Variants in ARL15 observed in about 807,000 individuals in gnomAD.
The protein encoded by ARL15 is ARF like GTPase 15.
Under a neutral mutation model 25.2 loss-of-function variants are expected in ARL15, and 19 were observed. The observed-to-expected ratio is 0.75, with a 90% CI of 0.53 to 1.10. ARL15 has a LOEUF of 1.10. Ranked by LOEUF, ARL15 falls within the 50% of genes least tolerant of loss-of-function variation. The pLI is 0.00. For missense variants in ARL15, 220 were observed against 246.0 expected, an observed-to-expected ratio of 0.89 and a Z score of 0.71; for synonymous variants, 94 against 86.8, an observed-to-expected ratio of 1.08 and a Z score of -0.46.
At chr5:53,993,414 C>T (rs926340535) in intron 4 of ARL15, among the ~76,000 whole-genome samples, 2 of 152,056 alleles carry the variant, frequency 1.3e-5, no homozygotes, top group African/African-American at 4.8e-5. Flanking sequence ...TCAAGACCAG[C>T]CTGGGCAACA....
At chr5:54,197,862 A>C (rs1755597207) in intron 1 of ARL15, among the ~76,000 whole-genome samples, 1 of 152,198 alleles carries the variant, frequency 6.6e-6, no homozygotes, top group Admixed American at 6.5e-5. Flanking sequence ...ATTTATACCA[A>C]TATCCTTGAT....
At chr5:54,021,073 C>T (rs771246766) in intron 4 of ARL15, among the ~76,000 whole-genome samples, 16 of 152,278 alleles carry the variant, frequency 1.1e-4, no homozygotes, top group Non-Finnish European at 1.8e-4. Flanking sequence ...CAGTGGCTCA[C>T]GCCTGTAATC....
At chr5:54,223,742 A>G (rs1449129720) in intron 1 of ARL15, among the ~76,000 whole-genome samples, 1 of 152,212 alleles carries the variant, frequency 6.6e-6, no homozygotes, top group Non-Finnish European at 1.5e-5. Flanking sequence ...TACTTGCAAC[A>G]TGGTCATCTT....
At chr5:53,999,920 A>C (rs1748799867) in intron 4 of ARL15, among the ~76,000 whole-genome samples, 1 of 152,088 alleles carries the variant, frequency 6.6e-6, no homozygotes, top group Non-Finnish European at 1.5e-5. Context: ...ATAAAAATAA[A>C]AATAAGGAAA....
At chr5:54,232,902 T>G (rs900274393) in intron 1 of ARL15, among the ~76,000 whole-genome samples, 2 of 152,186 alleles carry the variant, frequency 1.3e-5, no homozygotes, top group Non-Finnish European at 2.9e-5. Flanking sequence ...CCGTTTTCAA[T>G]GTGTGCATGG....
At chr5:54,268,176 C>CT (rs1402550018) in intron 1 of ARL15, among the ~76,000 whole-genome samples, 1 of 152,076 alleles carries the variant, frequency 6.6e-6, no homozygotes, top group African/African-American at 2.4e-5. Flanking sequence ...TCTTTTTATT[C>CT]TTTTTTCTCT....
At chr5:54,160,701 A>G (rs1323446168) in intron 2 of ARL15, among the ~76,000 whole-genome samples, 2 of 152,170 alleles carry the variant, frequency 1.3e-5, no homozygotes, top group African/African-American at 2.4e-5. Context: ...CAATTTAAGT[A>G]TCTTTTAAAA....
intron 3 of ARL15, among the ~76,000 whole-genome samples, chr5:54,114,106 C>G (rs1216372501): frequency 1.3e-5 from 2 of 151,578 alleles, no homozygotes; most frequent in African/African-American, 4.8e-5. Context: ...AACAAACAAA[C>G]ATATGGAGAG....
intron 3 of ARL15, among the ~76,000 whole-genome samples, chr5:54,139,991 G>C (rs986272773): frequency 7.2e-5 from 11 of 152,156 alleles, no homozygotes; most frequent in Non-Finnish European, 8.8e-5. Context: ...TGCTCCAGTA[G>C]AGATAATTTC....
intron 4 of ARL15, among the ~76,000 whole-genome samples, chr5:53,990,124 A>C (rs1033678856): frequency 3.3e-5 from 5 of 152,034 alleles, no homozygotes; most frequent in African/African-American, 2.4e-5. Flanking sequence ...GCTACTTGAG[A>C]GGCTGAGGCA....
intron 4 of ARL15, among the ~76,000 whole-genome samples, chr5:54,036,443 ACAT>A (rs1240695606): frequency 6.6e-6 from 1 of 152,184 alleles, no homozygotes; most frequent in African/African-American, 2.4e-5. Flanking sequence ...CTACATTTCT[ACAT>A]ATTCCAATAC....
intron 4 of ARL15, among the ~76,000 whole-genome samples, chr5:53,914,441 T>C (rs1745566948): frequency 6.6e-6 from 1 of 152,238 alleles, no homozygotes; most frequent in Non-Finnish European, 1.5e-5. Flanking sequence ...TGATGCATTC[T>C]GGAACCTCCT....
chr5:54,129,477 A>T (rs1434572687), intron 3 of ARL15, among the ~76,000 whole-genome samples: 2 of 152,220 alleles, frequency 1.3e-5, no homozygotes, highest in Non-Finnish European at 2.9e-5. Context: ...AGATAGCTAC[A>T]ACAGAGACTA....
intron 2 of ARL15, among the ~76,000 whole-genome samples, chr5:54,160,458 C>T (rs1185886221): frequency 1.3e-5 from 2 of 152,010 alleles, no homozygotes; most frequent in East Asian, 1.9e-4. Context: ...TCAATATATT[C>T]TCCTAAGCCT....
chr5:54,211,161 G>T (rs2112507023), intron 1 of ARL15, among the ~76,000 whole-genome samples: 1 of 152,258 alleles, frequency 6.6e-6, no homozygotes, highest in Non-Finnish European at 1.5e-5. Flanking sequence ...CAAGTTAGTG[G>T]TTTGTTTGGT....
intron 1 of ARL15, among the ~76,000 whole-genome samples, chr5:54,177,061 T>C (rs1264449009): frequency 6.6e-6 from 1 of 152,134 alleles, no homozygotes; most frequent in African/African-American, 2.4e-5. Flanking sequence ...AAGTATACCC[T>C]CTTGGGGGGC....
chr5:53,911,701 C>G (rs1425681716), intron 4 of ARL15, among the ~76,000 whole-genome samples: 1 of 152,086 alleles, frequency 6.6e-6, no homozygotes, highest in East Asian at 1.9e-4. Context: ...ACCCTTTCCC[C>G]CAAGACCCCA....
At chr5:54,048,670 C>T (rs1322050818) in intron 4 of ARL15, among the ~76,000 whole-genome samples, 1 of 151,812 alleles carries the variant, frequency 6.6e-6, no homozygotes, top group Admixed American at 6.6e-5. Context: ...CCCAAAAGTG[C>T]TGGGATTACA....
chr5:54,086,235 C>G (rs954680720), intron 4 of ARL15, among the ~76,000 whole-genome samples: 1 of 152,122 alleles, frequency 6.6e-6, no homozygotes, highest in Non-Finnish European at 1.5e-5. Flanking sequence ...GCTTTAGCAT[C>G]TGGATACTTC....
Sources: gnomAD v4.1 joint callset for allele counts (sites outside exome capture counted in the v4.1 genomes callset) on GRCh38, gnomAD v4.1.1 for gene constraint, MANE v1.5 for transcripts, NCBI Gene and HGNC (gene_info 2026-07-23, HGNC 2026-07-21) for gene names.